The following NPAS3 variants were observed in gnomAD, a reference collection of about 807,000 sequenced individuals.
NPAS3 encodes neuronal PAS domain protein 3, also known as neuronal PAS domain-containing protein 3.
In NPAS3, 14 loss-of-function variants were observed where a neutral mutation model predicts 73.1. The ratio of observed to expected loss-of-function variants is 0.19; its 90% CI spans 0.13 to 0.30. The LOEUF is 0.30. Ranked by LOEUF, NPAS3 falls within the 10% of genes least tolerant of loss-of-function variation. The probability of loss-of-function intolerance (pLI) is 1.00; values close to 1 mark genes in which losing one functional copy is unlikely to be tolerated. For missense variants in NPAS3, 1,096 were observed against 1,250.0 expected, an observed-to-expected ratio of 0.88 and a Z score of 1.86; for synonymous variants, 620 against 541.5, an observed-to-expected ratio of 1.14 and a Z score of -2.01.
At chr14:33,308,531 T>TATATATATACACAC (rs1349895303) in intron 3 of NPAS3, among the ~76,000 whole-genome samples, 1 of 116,012 alleles carries the variant, frequency 8.6e-6, no homozygotes, top group Non-Finnish European at 1.7e-5. Flanking sequence ...TATATATACA[T>TATATATATACACAC]ACACACACAC....
chr14:33,520,235 T>C (rs923965189), intron 4 of NPAS3, among the ~76,000 whole-genome samples: 8 of 152,140 alleles, frequency 5.3e-5, no homozygotes, highest in African/African-American at 1.9e-4. Context: ...CCGGGTTATA[T>C]AGTTTCTGTG....
intron 4 of NPAS3, among the ~76,000 whole-genome samples, chr14:33,427,499 A>G (rs1429605752): frequency 6.6e-6 from 1 of 151,324 alleles, no homozygotes; most frequent in Non-Finnish European, 1.5e-5. Context: ...TATGTTCCCC[A>G]GTATCTAGTG....
chr14:33,033,460 C>T (rs2040064103), intron 1 of NPAS3, among the ~76,000 whole-genome samples: 1 of 152,066 alleles, frequency 6.6e-6, no homozygotes, highest in Non-Finnish European at 1.5e-5. Flanking sequence ...GCCTGGGCAA[C>T]AGAGTGAGAC....
At chr14:33,504,161 A>C (rs2052651116) in intron 4 of NPAS3, among the ~76,000 whole-genome samples, 1 of 151,998 alleles carries the variant, frequency 6.6e-6, no homozygotes, top group Non-Finnish European at 1.5e-5. Context: ...AGAGAGACTT[A>C]CCAGTGGATC....
chr14:33,392,393 A>G (rs527644077), intron 4 of NPAS3, among the ~76,000 whole-genome samples: 1 of 152,264 alleles, frequency 6.6e-6, no homozygotes, highest in South Asian at 2.1e-4. Context: ...AAAAAGTCTT[A>G]AGGTCACCTA....
chr14:33,736,386 G>A (rs1361849213), intron 7 of NPAS3, among the ~76,000 whole-genome samples: 4 of 152,162 alleles, frequency 2.6e-5, no homozygotes, highest in African/African-American at 9.7e-5. Flanking sequence ...CTTTAGCTGA[G>A]CTGTCCTGGA....
In NPAS3 at chr14:33,640,885, T is replaced by C. The variant is rs375239556; in HGVS notation, c.559-35326T>C. Among the ~76,000 whole-genome samples, 6 of 152,342 alleles carry C rather than the reference T, an allele frequency of 3.9e-5. No homozygotes were observed. The East Asian group carries it at 9.6e-4, about 24-fold the overall frequency. On this transcript the variant is annotated intron_variant, in intron 5 of 11. Coordinates refer to ENST00000356141, the Ensembl canonical transcript of NPAS3. ...TTTACATTTTTCCTTAAATATATTTTGACACACATATCAGATTATAGGTAC... is the reference window on the plus strand; with the variant it reads ...TTTACATTTTTCCTTAAATATATTTCGACACACATATCAGATTATAGGTAC...
chr14:33,468,876 A>G (rs911584895), intron 4 of NPAS3, among the ~76,000 whole-genome samples: 1 of 152,206 alleles, frequency 6.6e-6, no homozygotes, highest in Non-Finnish European at 1.5e-5. Context: ...TATTGAATGC[A>G]TTCTAGTAAA....
intron 2 of NPAS3, among the ~76,000 whole-genome samples, chr14:33,075,957 T>C (rs961366149): frequency 6.6e-6 from 1 of 152,226 alleles, no homozygotes; most frequent in Non-Finnish European, 1.5e-5. Context: ...ACAATTAGAA[T>C]TGGCCTTTAA....
chr14:33,688,737 T>C (rs2060155589), intron 6 of NPAS3, among the ~76,000 whole-genome samples: 1 of 152,224 alleles, frequency 6.6e-6, no homozygotes, highest in South Asian at 2.1e-4. Flanking sequence ...GGCTTTGATC[T>C]GAAGGCTGTC....
chr14:33,552,578 C>T (rs1449416801), intron 4 of NPAS3, among the ~76,000 whole-genome samples: 1 of 151,190 alleles, frequency 6.6e-6, no homozygotes, highest in East Asian at 1.9e-4. Context: ...TCATATATAA[C>T]ATACATATAA....
chr14:33,683,198 T>G (rs1447647344), intron 6 of NPAS3, among the ~76,000 whole-genome samples: 2 of 152,162 alleles, frequency 1.3e-5, no homozygotes, highest in Admixed American at 6.5e-5. Flanking sequence ...TATCAAAATA[T>G]ACAGTAGGTT....
At chr14:32,953,161 T>C (rs1223068773) in intron 1 of NPAS3, among the ~76,000 whole-genome samples, 1 of 149,056 alleles carries the variant, frequency 6.7e-6, no homozygotes, top group African/African-American at 2.5e-5. Flanking sequence ...GAGTTGGAAA[T>C]ATCTACTCAG....
At chr14:33,634,368 A>G (rs1346050782) in intron 5 of NPAS3, among the ~76,000 whole-genome samples, 1 of 152,166 alleles carries the variant, frequency 6.6e-6, no homozygotes, top group Non-Finnish European at 1.5e-5. Context: ...TTCTGTGAGG[A>G]TGCGACAGAA....
At chr14:32,938,486 T>TGACAGAGAGAGAGAGAGAGAGA (rs1555372900), upstream of NPAS3, among the ~76,000 whole-genome samples, 1,450 of 55,852 alleles carry the variant, frequency 0.026, 198 homozygotes, top group African/African-American at 0.043. Flanking sequence ...AGAGAGAAAT[T>TGACAGAGAGAGAGAGAGAGAGA]GAGAGAGAGA....
At chr14:33,700,759 T>C (rs1241833396) in intron 6 of NPAS3, among the ~76,000 whole-genome samples, 1 of 152,234 alleles carries the variant, frequency 6.6e-6, no homozygotes, top group Non-Finnish European at 1.5e-5. Context: ...GCAAGTGTGC[T>C]TCTGAACACA....
chr14:33,482,953 C>G (rs933668400), intron 4 of NPAS3, among the ~76,000 whole-genome samples: 2 of 152,156 alleles, frequency 1.3e-5, no homozygotes, highest in African/African-American at 2.4e-5. Flanking sequence ...ATACAGATCA[C>G]TTTAAAACAA....
intron 2 of NPAS3, among the ~76,000 whole-genome samples, chr14:33,113,346 A>G (rs1595474642): frequency 6.6e-6 from 1 of 152,002 alleles, no homozygotes; most frequent in East Asian, 1.9e-4. Context: ...TATTTCGTTG[A>G]GCAGTGGTTT....
chr14:33,571,069 T>G lies in NPAS3; in HGVS notation c.558+10859T>G, dbSNP rs12435003. ...GAAATCCAAGCATTCATATTCTGTT[T>G]ATAAAATTAAGACACTCCGTTGGTG... is the stretch of plus-strand genomic sequence containing the variant. On this transcript the variant is annotated intron_variant, in intron 5 of 11. Transcript: ENST00000356141. 0.02 allele frequency among the ~76,000 whole-genome samples: 3,018 copies of G among 152,302 alleles called. 193 individuals are homozygous for G. In the East Asian group the frequency reaches 0.2, roughly 10 times the overall value.
Sources: gnomAD v4.1 joint callset for allele counts (sites outside exome capture counted in the v4.1 genomes callset) on GRCh38, gnomAD v4.1.1 for gene constraint, MANE v1.5 for transcripts, NCBI Gene and HGNC (gene_info 2026-07-23, HGNC 2026-07-21) for gene names.